Variants in TLL1 observed in about 807,000 individuals in gnomAD.
TLL1 encodes tolloid-like protein 1.
In TLL1, 49 loss-of-function variants were observed where a neutral mutation model predicts 128.2. The observed-to-expected ratio is 0.38, with a 90% confidence interval of 0.30 to 0.48. The LOEUF is 0.48. TLL1 is among the 20% of genes least tolerant of loss of function. The probability of loss-of-function intolerance (pLI) is 0.96; values close to 1 mark genes in which losing one functional copy is unlikely to be tolerated. For missense variants in TLL1, 1,123 were observed against 1,242.0 expected (o/e 0.90, Z 1.44); for synonymous variants, 454 against 418.8 (o/e 1.08, Z -1.03).
intron 5 of TLL1, among the ~76,000 whole-genome samples, chr4:165,999,872 A>T (rs904609586): frequency 6.6e-6 from 1 of 152,254 alleles, no homozygotes; most frequent in African/African-American, 2.4e-5. Flanking sequence ...TTTCAAATAC[A>T]GCACATAAAA....
At chr4:166,036,030 TCTAATTGG>T (rs1738982064) in intron 9 of TLL1, among the ~76,000 whole-genome samples, 1 of 152,200 alleles carries the variant, frequency 6.6e-6, no homozygotes. Context: ...GCTTTTTCAG[TCTAATTGG>T]CAAGGTTTGT....
chr4:165,936,881 C>T (rs1028223300), intron 1 of TLL1, among the ~76,000 whole-genome samples: 4 of 152,068 alleles, frequency 2.6e-5, no homozygotes, highest in East Asian at 1.9e-4. Context: ...TGCCGTGAGC[C>T]GAGATGGCCC....
chr4:165,927,002 G>A lies in TLL1; in HGVS notation c.169+52929G>A, dbSNP rs530428834. On this transcript the variant is annotated intron_variant, in intron 1 of 20. Transcript: ENST00000061240. ...CTAGCTCTGGCCATTGACTATTTAT[G>A]TTTGTTCCTACAGTCCTGAAATGTG... 3.3e-5 allele frequency among the ~76,000 whole-genome samples: 5 copies of A among 152,240 alleles called. No individual in the cohort carries two copies. In the South Asian group the frequency reaches 1.0e-3, roughly 32 times the overall value.
At chr4:165,906,129 G>A (rs953403946) in intron 1 of TLL1, among the ~76,000 whole-genome samples, 5 of 152,030 alleles carry the variant, frequency 3.3e-5, no homozygotes, top group African/African-American at 9.7e-5. Flanking sequence ...ATTGTCTATG[G>A]CTACTTTTAT....
intron 1 of TLL1, among the ~76,000 whole-genome samples, chr4:165,881,468 G>A (rs971279991): frequency 6.6e-6 from 1 of 152,200 alleles, no homozygotes; most frequent in Non-Finnish European, 1.5e-5. Context: ...TGGCTCTGCA[G>A]TGAGACTGTC....
intron 12 of TLL1, among the ~76,000 whole-genome samples, chr4:166,052,841 A>G (rs1739808964): frequency 6.6e-6 from 1 of 151,372 alleles, no homozygotes; most frequent in African/African-American, 2.4e-5. Context: ...GAAATCTGAG[A>G]TATTATTTTC....
At chr4:166,058,126 A>G (rs1305942598) in intron 14 of TLL1, among the ~76,000 whole-genome samples, 3 of 151,954 alleles carry the variant, frequency 2.0e-5, no homozygotes, top group African/African-American at 7.3e-5. Flanking sequence ...ATTTTTATCT[A>G]TCCATCCTAC....
chr4:165,992,098 T>G (rs1736666453), intron 2 of TLL1, among the ~76,000 whole-genome samples: 1 of 152,032 alleles, frequency 6.6e-6, no homozygotes, highest in Non-Finnish European at 1.5e-5. Context: ...AGAACACATA[T>G]TGCCTTATTC....
At chr4:166,059,088 A>G (rs1579687733) in intron 14 of TLL1, among the ~76,000 whole-genome samples, 1 of 152,120 alleles carries the variant, frequency 6.6e-6, no homozygotes. Flanking sequence ...TAACAAGACT[A>G]CTGTTTCTGT....
At chr4:165,904,231 C>T (rs929328722) in intron 1 of TLL1, among the ~76,000 whole-genome samples, 1 of 152,112 alleles carries the variant, frequency 6.6e-6, no homozygotes, top group South Asian at 2.1e-4. Context: ...GATTACTCGG[C>T]CAACTACTTG....
chr4:166,004,829 G>C (rs1446516551), intron 6 of TLL1, among the ~76,000 whole-genome samples: 1 of 151,946 alleles, frequency 6.6e-6, no homozygotes, highest in Non-Finnish European at 1.5e-5. Context: ...AGGAAATTCA[G>C]GTTTTATTCT....
rs1480807436 is a variant in TLL1, at chr4:166,060,062, C to T, written c.1881C>T (p.Gly627=). Residue 627 remains glycine (G), a synonymous_variant, in exon 15 of 21, where the codon GGC becomes GGT. Coordinates refer to ENST00000061240, the MANE Select transcript of TLL1 (RefSeq NM_012464.5). ...ACGGLLTKLN[G]TITTPGWPKE... is the part of the protein sequence containing the mutation. ...GTGGACTTCTTACCAAACTTAACGG[C>T]ACCATAACCACCCCTGGCTGGCCCA... is the stretch of plus-strand genomic sequence containing the variant. The T allele has an allele frequency of 1.2e-6, 2 of 1,613,678 alleles. No homozygotes were observed. The highest frequency in any genetic ancestry group is 2.2e-5 in the East Asian group (1 of 44,794).
chr4:165,938,328 A>G (rs2110918415), intron 1 of TLL1, among the ~76,000 whole-genome samples: 1 of 151,990 alleles, frequency 6.6e-6, no homozygotes, highest in Admixed American at 6.5e-5. Flanking sequence ...CATGATCTTG[A>G]TTTTATTCCC....
intron 1 of TLL1, among the ~76,000 whole-genome samples, chr4:165,901,416 A>G (rs920439679): frequency 6.6e-6 from 1 of 151,882 alleles, no homozygotes; most frequent in Admixed American, 6.6e-5. Context: ...TGACCTTCGG[A>G]TGGGGTTTTT....
intron 1 of TLL1, among the ~76,000 whole-genome samples, chr4:165,946,690 G>A (rs565230494): frequency 4.2e-4 from 64 of 152,054 alleles, no homozygotes; most frequent in Middle Eastern, 6.8e-3. Context: ...GCATATTTTC[G>A]TTTCTGAAGT....
intron 18 of TLL1, among the ~76,000 whole-genome samples, chr4:166,084,953 T>C (rs529573747): frequency 2.6e-5 from 4 of 152,240 alleles, no homozygotes; most frequent in African/African-American, 9.6e-5. Flanking sequence ...ATTTGTGTTT[T>C]CTTTCATCAA....
At chr4:165,990,585 A>ATG (rs935772828) in intron 2 of TLL1, among the ~76,000 whole-genome samples, 1 of 151,576 alleles carries the variant, frequency 6.6e-6, no homozygotes, top group Non-Finnish European at 1.5e-5. Context: ...TTTTCACTGA[A>ATG]TGTGTGTGTG....
At chr4:165,933,860 T>C (rs1733647140) in intron 1 of TLL1, among the ~76,000 whole-genome samples, 1 of 152,186 alleles carries the variant, frequency 6.6e-6, no homozygotes, top group Admixed American at 6.5e-5. Flanking sequence ...ACACTTGATG[T>C]GGGAGCTGGG....
intron 1 of TLL1, among the ~76,000 whole-genome samples, chr4:165,974,043 A>G (rs1456958385): frequency 1.3e-5 from 2 of 151,822 alleles, no homozygotes; most frequent in Non-Finnish European, 2.9e-5. Flanking sequence ...CTGGGTTTCA[A>G]AGTAGAACTG....
Sources: allele counts gnomAD v4.1 joint callset (sites outside exome capture counted in the v4.1 genomes callset), GRCh38; gene constraint gnomAD v4.1.1; transcripts MANE v1.5; gene names NCBI Gene and HGNC (gene_info 2026-07-23, HGNC 2026-07-21).